The following LMBR1 variants were observed in gnomAD, a reference collection of about 807,000 sequenced individuals.
The protein encoded by LMBR1 is limb development membrane protein 1.
LMBR1 carries 52 observed loss-of-function variants against 73.9 expected under a neutral mutation model. The ratio of observed to expected loss-of-function variants is 0.70; its 90% CI spans 0.56 to 0.89. The LOEUF is 0.89. Among genes scored for constraint, LMBR1 ranks in the 40% least tolerant of loss-of-function variants. The pLI is 0.00. For synonymous variants in LMBR1, 215 were observed against 209.4 expected (o/e 1.03, Z -0.23); for missense variants, 539 against 579.8 (o/e 0.93, Z 0.72).
chr7:156,806,666 G>C (rs1324489196), intron 4 of LMBR1, among the ~76,000 whole-genome samples: 3 of 131,400 alleles, frequency 2.3e-5, no homozygotes, highest in Non-Finnish European at 4.6e-5. Context: ...CTGGAGTGCA[G>C]TGGTGCGATT....
rs1210798247 is a variant in LMBR1 at position 156,836,805 on chromosome 7, C to T, written c.139+8G>A. ...AACAAAGGTTTTAATTGACATGTTTCCACTTGCCTGATTTTCTCTTGTATC... is the reference window on the plus strand; with the variant it reads ...AACAAAGGTTTTAATTGACATGTTTTCACTTGCCTGATTTTCTCTTGTATC... On this transcript the variant is annotated splice_region_variant and intron_variant, in intron 2 of 16. Coordinates refer to ENST00000353442, the MANE Select transcript of LMBR1 (RefSeq NM_022458.4). The T allele has an allele frequency of 6.4e-7, 1 of 1,551,272 alleles. No homozygotes were observed. The highest frequency in any genetic ancestry group is 1.2e-5 in the South Asian group (1 of 84,828).
At chr7:156,886,373 G>A (rs1209094234) in intron 1 of LMBR1, among the ~76,000 whole-genome samples, 1 of 152,216 alleles carries the variant, frequency 6.6e-6, no homozygotes, top group Admixed American at 6.5e-5. Flanking sequence ...TCATGCACAT[G>A]CAGGCTGAAT....
intron 3 of LMBR1, among the ~76,000 whole-genome samples, chr7:156,830,580 G>A (rs1395480885): frequency 6.6e-6 from 1 of 152,198 alleles, no homozygotes; most frequent in African/African-American, 2.4e-5. Context: ...GATTCTCTGT[G>A]CAACAGAAAA....
chr7:156,874,649 G>A (rs1799891500), intron 1 of LMBR1, among the ~76,000 whole-genome samples: 1 of 152,212 alleles, frequency 6.6e-6, no homozygotes, highest in Admixed American at 6.5e-5. Flanking sequence ...CCCAGTACCA[G>A]CCCTGCCTGG....
At chr7:156,684,240 G>C (rs965973113) in intron 16 of LMBR1, 77 bp from the exon 17 acceptor site, 1 of 1,109,566 alleles carries the variant, frequency 9.0e-7, no homozygotes, top group East Asian at 2.4e-5. Flanking sequence ...AGGGAGAAGA[G>C]GAGATTTACA....
chr7:156,879,580 C>T (rs561046477), intron 1 of LMBR1, among the ~76,000 whole-genome samples: 2 of 149,044 alleles, frequency 1.3e-5, no homozygotes, highest in African/African-American at 2.5e-5. Flanking sequence ...AGGAGAATGG[C>T]GTGAACCCGA....
chr7:156,850,765 T>C (rs528875002), intron 1 of LMBR1, among the ~76,000 whole-genome samples: 1 of 152,240 alleles, frequency 6.6e-6, no homozygotes, highest in African/African-American at 2.4e-5. Flanking sequence ...CACTTTTCTA[T>C]TGTTTGTAAT....
chr7:156,768,265 G>C (rs910592805), intron 5 of LMBR1, among the ~76,000 whole-genome samples: 3 of 151,922 alleles, frequency 2.0e-5, no homozygotes, highest in African/African-American at 7.3e-5. Context: ...GCTGAGGCAG[G>C]AGAATCGCTT....
At position 156,736,621 on chromosome 7, in the gene LMBR1, G is replaced by T. The variant is rs1399994978; in HGVS notation, c.758-2364C>A. The T allele has an allele frequency of 6.6e-6, 3 of 456,678 alleles. No individual in the cohort carries two copies. The East Asian group carries it at 2.1e-4, about 32-fold the overall frequency. The allele number at this position is 456,678 out of a possible 1,614,324, so 28.3% of individuals were successfully genotyped here. A position where few individuals can be genotyped will look rare whatever the true frequency, so the allele number is the denominator to read the frequency against. Reference sequence around the variant, plus strand: ...TCCCGCACAAAGCATTCCCACTGTGGCAGGTGAGGACACAAGTGTCTGAGC... The same window carrying T: ...TCCCGCACAAAGCATTCCCACTGTGTCAGGTGAGGACACAAGTGTCTGAGC... On this transcript the variant is annotated intron_variant, in intron 9 of 16. Transcript: ENST00000353442.
chr7:156,853,343 T>A (rs1371353583), intron 1 of LMBR1, among the ~76,000 whole-genome samples: 1 of 151,678 alleles, frequency 6.6e-6, no homozygotes, highest in East Asian at 1.9e-4. Context: ...TAAAAAAAAA[T>A]GGGTCACATA....
At position 156,892,919 on chromosome 7, in the gene LMBR1, C is replaced by T. The variant is rs753379576; in HGVS notation, c.66+9G>A. 3.8e-5 allele frequency: 57 copies of T among 1,516,012 alleles called. 2 individuals are homozygous for T. The South Asian group carries it at 5.2e-4, about 14-fold the overall frequency. The allele number at this position is 1,516,012 out of a possible 1,614,324, so 93.9% of individuals were successfully genotyped here. A position where few individuals can be genotyped will look rare whatever the true frequency, so the allele number is the denominator to read the frequency against. On this transcript the variant is annotated intron_variant, in intron 1 of 16. Coordinates refer to ENST00000353442, the MANE Select transcript of LMBR1 (RefSeq NM_022458.4). ...CGGGACTGTCAGGGCTGCCTCGGTC[C>T]CCACGCACCGTGGACTCCCGCACTT...
At position 156,681,981 on chromosome 7, in the gene LMBR1, C is replaced by T. The variant is rs199726319; in HGVS notation, c.*2097G>A. ...TTGGGCATGTGCTCAGGAAGAGCCTCGAGGAACCGTGATTACGCAGCAGCC... is the reference window on the plus strand; with the variant it reads ...TTGGGCATGTGCTCAGGAAGAGCCTTGAGGAACCGTGATTACGCAGCAGCC... On this transcript the variant is annotated 3_prime_UTR_variant, in exon 17 of 17. Transcript: ENST00000353442. The T allele has an allele frequency of 6.6e-6, 1 of 152,234 alleles. No individual in the cohort carries two copies. Among genetic ancestry groups the T allele is most frequent in the Non-Finnish European group, 1.5e-5 (1 of 68,060 alleles). 9.4% of individuals were successfully genotyped at this position (152,234 alleles called of 1,614,324 possible).
chr7:156,731,429 C>G (rs958036332), intron 10 of LMBR1, among the ~76,000 whole-genome samples: 4 of 152,074 alleles, frequency 2.6e-5, no homozygotes, highest in Admixed American at 6.6e-5. Context: ...ACATAGATTT[C>G]AAGAAAGATA....
chr7:156,852,341 C>T (rs551418272), intron 1 of LMBR1, among the ~76,000 whole-genome samples: 3 of 152,118 alleles, frequency 2.0e-5, no homozygotes, highest in Admixed American at 6.5e-5. Context: ...CCAAGCATTA[C>T]AGAAATCACT....
rs568570543 is a variant in LMBR1, at chr7:156,796,462, T to C, written c.350A>G (p.Asn117Ser). 3.2e-5 allele frequency: 51 copies of C among 1,606,500 alleles called. No individual in the cohort carries two copies. Among genetic ancestry groups the C allele is most frequent in the Non-Finnish European group, 3.4e-5 (40 of 1,177,216 alleles). Residue 117 changes from asparagine to serine, a missense_variant, in exon 5 of 17, where the codon AAC becomes AGC. Asn to Ser is a conservative substitution (Grantham distance 46). This residue lies in a region of LMBR1 where 454 missense variants were observed against 473.4 expected (regional missense o/e 0.96). Coordinates refer to ENST00000353442, the MANE Select transcript of LMBR1 (RefSeq NM_022458.4). ...GLWNLASLFS[N>S]LCLFVLMPFA... Reference sequence around the variant, plus strand: ...GGGCATCAATACAAATAAACAAAGGTTGGAAAAAAGGGAAGCAAGATTCCA... The same window carrying C: ...GGGCATCAATACAAATAAACAAAGGCTGGAAAAAAGGGAAGCAAGATTCCA...
At chr7:156,754,873 TTA>T (rs1243274474) in intron 9 of LMBR1, among the ~76,000 whole-genome samples, 1 of 152,210 alleles carries the variant, frequency 6.6e-6, no homozygotes, top group Non-Finnish European at 1.5e-5. Context: ...ATAGAACCAT[TTA>T]TGTTATAAAC....
At chr7:156,738,357 A>G (rs1247262739) in intron 9 of LMBR1, among the ~76,000 whole-genome samples, 1 of 152,220 alleles carries the variant, frequency 6.6e-6, no homozygotes, top group African/African-American at 2.4e-5. Context: ...AAGCCTCACC[A>G]CAACGGGCTA....
intron 1 of LMBR1, among the ~76,000 whole-genome samples, chr7:156,869,434 G>A (rs868067392): frequency 1.3e-5 from 2 of 152,042 alleles, no homozygotes; most frequent in Non-Finnish European, 2.9e-5. Context: ...AACATCCTTT[G>A]GATGTCTAAC....
intron 1 of LMBR1, among the ~76,000 whole-genome samples, chr7:156,888,475 T>A (rs539958781): frequency 2.8e-4 from 43 of 151,746 alleles, no homozygotes; most frequent in Admixed American, 1.8e-3. Flanking sequence ...ACTTCTGAAT[T>A]GAAAGCAGGG....
Sources: gnomAD v4.1 joint callset for allele counts (sites outside exome capture counted in the v4.1 genomes callset) on GRCh38, gnomAD v4.1.1 for gene constraint, gnomAD v4.1.1 regional missense constraint, MANE v1.5 for transcripts, NCBI Gene and HGNC (gene_info 2026-07-23, HGNC 2026-07-21) for gene names.